CTNND2: variants seen among roughly 807,000 people sequenced by gnomAD.
The protein encoded by CTNND2 is catenin delta-2.
Under a neutral mutation model 144.4 loss-of-function variants are expected in CTNND2, and 22 were observed. The ratio of observed to expected loss-of-function variants is 0.15; its 90% CI spans 0.11 to 0.22. The LOEUF (loss-of-function observed/expected upper bound fraction) is 0.22, where lower values mean the gene tolerates loss of function less well. CTNND2 is among the 10% of genes least tolerant of loss of function. CTNND2 has a pLI of 1.00. For synonymous variants in CTNND2, 751 were observed against 695.6 expected (o/e 1.08, Z -1.25); for missense variants, 1,353 against 1,618.8 (o/e 0.84, Z 2.82).
intron 3 of CTNND2, among the ~76,000 whole-genome samples, chr5:11,476,365 T>A (rs1767744136): frequency 6.6e-6 from 1 of 152,188 alleles, no homozygotes; most frequent in Non-Finnish European, 1.5e-5. Context: ...GTGAGTTATA[T>A]GCACGATTTC....
intron 10 of CTNND2, among the ~76,000 whole-genome samples, chr5:11,217,516 T>A (rs1032980024): frequency 1.3e-5 from 2 of 152,196 alleles, no homozygotes; most frequent in African/African-American, 2.4e-5. Flanking sequence ...TCAGAAAGGA[T>A]GCAGAGAGAC....
intron 1 of CTNND2, among the ~76,000 whole-genome samples, chr5:11,807,871 T>C (rs1204355429): frequency 1.3e-5 from 2 of 152,212 alleles, no homozygotes; most frequent in Non-Finnish European, 2.9e-5. Flanking sequence ...ATAAATTAAC[T>C]TATATTATTA....
chr5:11,798,263 A>AG (rs1791504901), intron 1 of CTNND2, among the ~76,000 whole-genome samples: 1 of 151,770 alleles, frequency 6.6e-6, no homozygotes. Context: ...CTGTTTCAAA[A>AG]AAAAAAAAAA....
intron 12 of CTNND2, among the ~76,000 whole-genome samples, chr5:11,155,774 C>T (rs1482447774): frequency 1.3e-5 from 2 of 152,158 alleles, no homozygotes; most frequent in African/African-American, 4.8e-5. Context: ...TCCAGGAACA[C>T]AAAGATAGAT....
intron 18 of CTNND2, among the ~76,000 whole-genome samples, chr5:11,017,306 G>A (rs1741715593): frequency 6.6e-6 from 1 of 152,050 alleles, no homozygotes; most frequent in South Asian, 2.1e-4. Flanking sequence ...TGGGGGTGAA[G>A]ACTCTTTGGA....
At chr5:11,257,734 A>T (rs1744417518) in intron 9 of CTNND2, among the ~76,000 whole-genome samples, 1 of 152,198 alleles carries the variant, frequency 6.6e-6, no homozygotes. Context: ...CACCCACCCT[A>T]ACAGGAGCCT....
At chr5:11,443,186 G>GGT (rs576435236) in intron 3 of CTNND2, among the ~76,000 whole-genome samples, 42 of 148,164 alleles carry the variant, frequency 2.8e-4, no homozygotes, top group Non-Finnish European at 4.8e-4. Context: ...TGTGGTGTGT[G>GGT]GTGTGTGTGT....
intron 1 of CTNND2, among the ~76,000 whole-genome samples, chr5:11,792,604 C>A (rs1382442459): frequency 6.6e-6 from 1 of 152,190 alleles, no homozygotes; most frequent in Non-Finnish European, 1.5e-5. Context: ...TAAGAGGAAG[C>A]ACATCAAGGC....
chr5:11,332,862 G>A (rs1441977333), intron 9 of CTNND2, among the ~76,000 whole-genome samples: 4 of 152,204 alleles, frequency 2.6e-5, no homozygotes, highest in African/African-American at 9.6e-5. Context: ...TAGTGAATAA[G>A]TCTCATGAGA....
intron 3 of CTNND2, among the ~76,000 whole-genome samples, chr5:11,414,789 T>G (rs926193038): frequency 1.3e-5 from 2 of 152,302 alleles, no homozygotes; most frequent in South Asian, 4.1e-4. Context: ...GTCTGTGGTT[T>G]CCTTCTTTGT....
intron 11 of CTNND2, among the ~76,000 whole-genome samples, chr5:11,192,866 A>C (rs1284643555): frequency 6.6e-6 from 1 of 152,180 alleles, no homozygotes; most frequent in East Asian, 1.9e-4. Flanking sequence ...ACAGATGACC[A>C]ATACAAACTC....
chr5:11,247,439 C>A (rs1375262354), intron 9 of CTNND2, among the ~76,000 whole-genome samples: 1 of 152,212 alleles, frequency 6.6e-6, no homozygotes. Context: ...TCAAGGAAGG[C>A]CACCTTGTGG....
chr5:11,254,064 C>A (rs1332697630), intron 9 of CTNND2, among the ~76,000 whole-genome samples: 2 of 152,082 alleles, frequency 1.3e-5, no homozygotes, highest in Non-Finnish European at 2.9e-5. Context: ...AAAATGATGA[C>A]CTTCTAGTCA....
chr5:11,000,497 G>A (rs1739837844), intron 18 of CTNND2, among the ~76,000 whole-genome samples: 1 of 152,164 alleles, frequency 6.6e-6, no homozygotes, highest in African/African-American at 2.4e-5. Flanking sequence ...CTCCAGCCTG[G>A]GTGAAAGAAT....
intron 8 of CTNND2, among the ~76,000 whole-genome samples, chr5:11,348,884 ACAT>A (rs1755066383): frequency 6.6e-6 from 1 of 152,214 alleles, no homozygotes; most frequent in South Asian, 2.1e-4. Flanking sequence ...CAGGAAGGCA[ACAT>A]CTTGGTATGT....
chr5:11,118,292 C>G (rs1753759532), intron 12 of CTNND2, among the ~76,000 whole-genome samples: 1 of 152,192 alleles, frequency 6.6e-6, no homozygotes, highest in African/African-American at 2.4e-5. Flanking sequence ...ATATGTTGTT[C>G]TTCTCCTACC....
At chr5:11,565,270 C>T (rs995301265) in intron 2 of CTNND2, among the ~76,000 whole-genome samples, 2 of 152,220 alleles carry the variant, frequency 1.3e-5, no homozygotes, top group Admixed American at 1.3e-4. Flanking sequence ...GTATCAGTTT[C>T]ATCATTTGTA....
chr5:11,008,219 C>T lies in CTNND2; in HGVS notation c.3084+9755G>A, dbSNP rs532607458. On this transcript the variant is annotated intron_variant, in intron 18 of 21. Transcript: ENST00000304623. The stretch of plus-strand genomic sequence containing the variant: ...CATAGAAGATGTCACCATCCTAATT[C>T]CCAGAACCGGTGAATATGCTACCTT... Among the ~76,000 whole-genome samples, 31 of 152,258 alleles carry T rather than the reference C, an allele frequency of 2.0e-4. 1 individual carries two copies. Among genetic ancestry groups the T allele is most frequent in the Admixed American group, 1.8e-3 (28 of 15,298 alleles).
At chr5:10,974,924 A>C (rs567261436) in intron 21 of CTNND2, among the ~76,000 whole-genome samples, 1 of 152,322 alleles carries the variant, frequency 6.6e-6, no homozygotes, top group South Asian at 2.1e-4. Context: ...CTAGTAATCA[A>C]CCTGATCTTC....
Sources: allele counts gnomAD v4.1 joint callset (sites outside exome capture counted in the v4.1 genomes callset), GRCh38; gene constraint gnomAD v4.1.1; transcripts MANE v1.5; gene names NCBI Gene and HGNC (gene_info 2026-07-23, HGNC 2026-07-21).